The following ALPK1 variants were observed in gnomAD, a reference collection of about 807,000 sequenced individuals.
ALPK1 encodes the protein alpha kinase 1.
ALPK1 carries 110 observed loss-of-function variants against 120.6 expected under a neutral mutation model. The ratio of observed to expected loss-of-function variants is 0.91; its 90% CI spans 0.78 to 1.07. ALPK1 has a LOEUF of 1.07. Ranked by LOEUF, ALPK1 falls within the 50% of genes least tolerant of loss-of-function variation. ALPK1 has a pLI of 0.00. For synonymous variants in ALPK1, 582 were observed against 560.3 expected, an observed-to-expected ratio of 1.04 and a Z score of -0.55; for missense variants, 1,498 against 1,483.9, an observed-to-expected ratio of 1.01 and a Z score of -0.16.
intron 2 of ALPK1, chr4:112,359,370 G>A (rs1021751214): frequency 8.1e-6 from 3 of 368,980 alleles, no homozygotes; most frequent in African/African-American, 4.1e-5. Context: ...CCTGGACAAG[G>A]TGCTGGCCCT....
chr4:112,355,070 A>G (rs1730540812), intron 2 of ALPK1, among the ~76,000 whole-genome samples: 1 of 152,186 alleles, frequency 6.6e-6, no homozygotes, highest in Non-Finnish European at 1.5e-5. Flanking sequence ...ATGTCTTCCC[A>G]TGAGGTAAAT....
At chr4:112,425,482 C>G (rs1345212251) in intron 6 of ALPK1, 183 bp from the exon 7 acceptor site, 13 of 466,094 alleles carry the variant, frequency 2.8e-5, no homozygotes, top group South Asian at 2.5e-5. Context: ...GGAGACCAGA[C>G]AGGAGTCAGT....
In ALPK1 at chr4:112,398,110, C is replaced by T. The variant is rs536390053; in HGVS notation, c.277-13717C>T. Reference sequence around the variant, plus strand: ...CCCAGATCTGAATGAGGGAGCCATGCGGATATCTGAGGGCAGAGCATTGCA... The same window carrying T: ...CCCAGATCTGAATGAGGGAGCCATGTGGATATCTGAGGGCAGAGCATTGCA... On this transcript the variant is annotated intron_variant, in intron 4 of 15. Transcript: ENST00000650871. Among the ~76,000 whole-genome samples the T allele has an allele frequency of 7.2e-5, 11 of 152,062 alleles. No individual in the cohort carries two copies. In the South Asian group the frequency reaches 1.0e-3, roughly 14 times the overall value.
chr4:112,432,152 C>T lies in ALPK1; in HGVS notation c.2605C>T (p.His869Tyr), dbSNP rs1008136475. The T allele has an allele frequency of 6.2e-7, 1 of 1,614,206 alleles. No individual in the cohort carries two copies. The highest frequency in any genetic ancestry group is 8.5e-7 in the Non-Finnish European group (1 of 1,180,038). Reference sequence around the variant, plus strand: ...CATGGATGTTCCCTGCACAAATGGGCACGGCTCTCATAGACTGTGCATTCT... The same window carrying T: ...CATGGATGTTCCCTGCACAAATGGGTACGGCTCTCATAGACTGTGCATTCT... ...DSMDVPCTNG[H>Y]GSHRLCILRQ... Residue 869 changes from histidine (H) to tyrosine (Y), a missense_variant, in exon 11 of 16, where the codon CAC (histidine) becomes TAC (tyrosine). Transcript: ENST00000650871.
chr4:112,365,784 T>A (rs1731122805), intron 2 of ALPK1, among the ~76,000 whole-genome samples: 1 of 152,164 alleles, frequency 6.6e-6, no homozygotes, highest in South Asian at 2.1e-4. Flanking sequence ...TCTGGAGGCA[T>A]CACATTACCT....
At chr4:112,332,744 T>G (rs1253074693) in intron 2 of ALPK1, among the ~76,000 whole-genome samples, 3 of 152,204 alleles carry the variant, frequency 2.0e-5, no homozygotes, top group African/African-American at 7.2e-5. Flanking sequence ...TGTCAAATAT[T>G]CCATTTATCA....
chr4:112,303,558 A>G (rs1184654382), intron 1 of ALPK1, among the ~76,000 whole-genome samples: 1 of 152,170 alleles, frequency 6.6e-6, no homozygotes, highest in Non-Finnish European at 1.5e-5. Flanking sequence ...GGCCATCAGC[A>G]TCCTGCACCA....
intron 4 of ALPK1, among the ~76,000 whole-genome samples, chr4:112,406,315 C>A (rs1003635287): frequency 6.6e-6 from 1 of 152,180 alleles, no homozygotes; most frequent in Admixed American, 6.5e-5. Context: ...GGAAGGAAAT[C>A]TTGCCACATG....
At chr4:112,371,203 A>G (rs1248939375) in intron 2 of ALPK1, among the ~76,000 whole-genome samples, 1 of 152,114 alleles carries the variant, frequency 6.6e-6, no homozygotes, top group Admixed American at 6.5e-5. Context: ...TTGCAATTAT[A>G]CCTAACTGAT....
At chr4:112,337,696 G>T (rs1729680395) in intron 2 of ALPK1, among the ~76,000 whole-genome samples, 1 of 152,078 alleles carries the variant, frequency 6.6e-6, no homozygotes, top group Non-Finnish European at 1.5e-5. Context: ...GAGTAAGACT[G>T]TGTTTTTAGA....
At chr4:112,350,663 G>A (rs1399330114) in intron 2 of ALPK1, among the ~76,000 whole-genome samples, 1 of 152,138 alleles carries the variant, frequency 6.6e-6, no homozygotes, top group African/African-American at 2.4e-5. Flanking sequence ...TGCGTTTTCA[G>A]GACAAGTCAG....
At chr4:112,332,234 G>A (rs1215376494) in intron 2 of ALPK1, among the ~76,000 whole-genome samples, 1 of 152,196 alleles carries the variant, frequency 6.6e-6, no homozygotes, top group Admixed American at 6.5e-5. Flanking sequence ...TCAATAAGGA[G>A]GAAGGAAGAA....
intron 1 of ALPK1, among the ~76,000 whole-genome samples, chr4:112,300,950 G>T (rs566520862): frequency 1.5e-4 from 23 of 152,074 alleles, no homozygotes; most frequent in Non-Finnish European, 3.1e-4. Flanking sequence ...GGTTACTGTG[G>T]TGCATTCTCC....
intron 2 of ALPK1, among the ~76,000 whole-genome samples, chr4:112,348,064 T>A (rs555653283): frequency 2.0e-4 from 31 of 152,246 alleles, no homozygotes; most frequent in African/African-American, 7.2e-4. Flanking sequence ...AGCAGAGTGG[T>A]TCAAAAACAA....
At position 112,377,851 on chromosome 4, in the gene ALPK1, C is replaced by A. The variant is rs369223684; in HGVS notation, c.74C>A (p.Ala25Glu). Residue 25 changes from alanine to glutamate, a missense_variant, in exon 3 of 16, where the codon GCG becomes GAG. Ala to Glu is a moderately radical substitution (Grantham distance 107). Transcript: ENST00000650871. ...KQVLDQLLLE[A>E]PDVSEEDKSE... The stretch of plus-strand genomic sequence containing the variant: ...GTGCTGGATCAGCTCTTGTTGGAAG[C>A]GCCAGATGTGTCGGAAGAGGACAAG... The A allele has an allele frequency of 6.2e-7, 1 of 1,613,222 alleles. No individual in the cohort carries two copies. Among genetic ancestry groups the A allele is most frequent in the Non-Finnish European group, 8.5e-7 (1 of 1,179,594 alleles).
chr4:112,324,047 G>GCCAGGCGTGGTGGCTCATGC (rs1480043990), intron 2 of ALPK1, among the ~76,000 whole-genome samples: 2 of 152,186 alleles, frequency 1.3e-5, no homozygotes, highest in African/African-American at 4.8e-5. Context: ...CCTGCTCTTG[G>GCCAGGCGTGGTGGCTCATGC]CCAGGCGTGG....
Position 112,427,656 on chromosome 4 carries a change from A to G in ALPK1, c.786A>G (p.Gln262=). The G allele has an allele frequency of 6.2e-7, 1 of 1,610,414 alleles. No individual in the cohort carries two copies. The highest frequency in any genetic ancestry group is 8.5e-7 in the Non-Finnish European group (1 of 1,176,716). The change falls in exon 9 of 16, where the codon CAA becomes CAG. Residue 262 remains glutamine (Q), a synonymous_variant. Coordinates refer to ENST00000650871, the MANE Select transcript of ALPK1 (RefSeq NM_025144.4). ...NDYEKFKNNP[Q]INLSLLKEFD... ...ATGAAAAGTTTAAAAACAATCCACA[A>G]ATTAATTTGGTAATTATCATAACAC...
rs974153209 is a variant in ALPK1 at position 112,431,985 on chromosome 4, T to C, written c.2438T>C (p.Ile813Thr). Reference protein sequence around the residue: ...HRVLHNSLGNISMLPCSSFTP... With the variant: ...HRVLHNSLGNTSMLPCSSFTP... ...GTCCTGCACAATTCTCTGGGAAACA[T>C]TTCCATGCTGCCATGTAGCTCCTTC... The change falls in exon 11 of 16, where the codon ATT becomes ACT. Residue 813 changes from isoleucine to threonine, a missense_variant. By Grantham distance (89) the Ile-to-Thr change is moderately conservative. Coordinates refer to ENST00000650871, the MANE Select transcript of ALPK1 (RefSeq NM_025144.4). 48 of 1,614,024 alleles carry C rather than the reference T, an allele frequency of 3.0e-5. No homozygotes were observed. The highest frequency in any genetic ancestry group is 3.8e-5 in the Non-Finnish European group (45 of 1,180,016).
intron 4 of ALPK1, chr4:112,384,658 A>C (rs1732071490): frequency 2.0e-5 from 3 of 152,204 alleles, no homozygotes. Flanking sequence ...TCCAGCAATC[A>C]GCATTAGAGA....
Sources: gnomAD v4.1 joint callset for allele counts (sites outside exome capture counted in the v4.1 genomes callset) on GRCh38, gnomAD v4.1.1 for gene constraint, MANE v1.5 for transcripts, NCBI Gene and HGNC (gene_info 2026-07-23, HGNC 2026-07-21) for gene names.